TFAP4: variants seen among roughly 807,000 people sequenced by gnomAD.
TFAP4 encodes the protein activating enhancer-binding protein 4.
Under a neutral mutation model 40.4 loss-of-function variants are expected in TFAP4, and 7 were observed. That is an observed-to-expected ratio of 0.17 (90% CI 0.10 to 0.33). TFAP4 has a LOEUF of 0.33. Among genes scored for constraint, TFAP4 ranks in the 10% least tolerant of loss-of-function variants. The probability of loss-of-function intolerance (pLI) is 1.00; values close to 1 mark genes in which losing one functional copy is unlikely to be tolerated. For missense variants in TFAP4, 374 were observed against 451.1 expected, an observed-to-expected ratio of 0.83 and a Z score of 1.55; for synonymous variants, 218 against 181.4, an observed-to-expected ratio of 1.20 and a Z score of -1.62.
At position 4,265,593 on chromosome 16, in the gene TFAP4, G is replaced by A. The variant is rs1030177379; in HGVS notation, c.90-2892C>T. On this transcript the variant is annotated intron_variant, in intron 1 of 6. Coordinates refer to ENST00000204517, the MANE Select transcript of TFAP4 (RefSeq NM_003223.3). The stretch of plus-strand genomic sequence containing the variant: ...TCACTGTACTCCAGCCTGGGCAACA[G>A]AGTGAGACCTTGTCTCAAAAAAAAA... 7.2e-5 allele frequency: 8 copies of A among 111,726 alleles called. No individual in the cohort carries two copies. In the East Asian group the frequency reaches 2.5e-3, roughly 35 times the overall value. The allele number at this position is 111,726 out of a possible 1,614,324, so 6.9% of individuals were successfully genotyped here. A position where few individuals can be genotyped will look rare whatever the true frequency, so the allele number is the denominator to read the frequency against.
At chr16:4,269,129 T>A (rs2053020053) in intron 1 of TFAP4, among the ~76,000 whole-genome samples, 1 of 151,958 alleles carries the variant, frequency 6.6e-6, no homozygotes, top group Non-Finnish European at 1.5e-5. Flanking sequence ...CTCAAATGAT[T>A]TTTTCCCCTT....
chr16:4,266,076 C>T (rs1413834801), intron 1 of TFAP4: 1 of 152,488 alleles, frequency 6.6e-6, no homozygotes, highest in Admixed American at 6.5e-5. Flanking sequence ...GGGAGCTGAC[C>T]CTCAGCCTCT....
chr16:4,258,354 C>G, intron 6 of TFAP4, 105 bp from the exon 7 acceptor site: 5 of 1,166,054 alleles, frequency 4.3e-6, no homozygotes, highest in Non-Finnish European at 4.8e-6. Context: ...AACACATAGC[C>G]CAGAAAAAAG....
In TFAP4 at chr16:4,260,224, T is replaced by TCAACCCGGGGGGGGGGGGGGGG; in HGVS notation, c.687_688insCCCCCCCCCCCCCCCCGGGTTG (p.Thr230ProfsTer89). ...GGCACGATCACCGTGGGGTGGTGGG[T>TCAACCCGGGGGGGGGGGGGGGG]GGGGGCCGGAGGGGGCAGAAGCTGC... On this transcript the variant is annotated frameshift_variant, in exon 6 of 7. Coordinates refer to ENST00000204517, the MANE Select transcript of TFAP4 (RefSeq NM_003223.3). LOFTEE classifies it high-confidence loss of function. The TCAACCCGGGGGGGGGGGGGGGG allele has an allele frequency of 4.5e-6, 1 of 223,762 alleles. No individual in the cohort carries two copies. The highest frequency in any genetic ancestry group is 7.9e-6 in the Non-Finnish European group (1 of 126,040). The allele number at this position is 223,762 out of a possible 1,614,324, so 13.9% of individuals were successfully genotyped here.
chr16:4,267,639 T>A (rs1263529957), intron 1 of TFAP4, among the ~76,000 whole-genome samples: 1 of 152,214 alleles, frequency 6.6e-6, no homozygotes, highest in East Asian at 1.9e-4. Flanking sequence ...CCTCTACACC[T>A]GCCTGCCCAG....
intron 1 of TFAP4, among the ~76,000 whole-genome samples, chr16:4,269,782 C>G (rs2053027130): frequency 6.6e-6 from 1 of 151,016 alleles, no homozygotes; most frequent in African/African-American, 2.4e-5. Context: ...TGCACTCCAG[C>G]CTGTGCGACA....
intron 1 of TFAP4, chr16:4,266,396 G>C (rs910065466): frequency 6.6e-6 from 1 of 152,098 alleles, no homozygotes; most frequent in Non-Finnish European, 1.5e-5. Flanking sequence ...CCCCCCAAAA[G>C]GTACAGTTCC....
At position 4,260,568 on chromosome 16, in the gene TFAP4, G is replaced by A; in HGVS notation, c.553C>T (p.Pro185Ser). Residue 185 changes from proline (P) to serine (S), a missense_variant, in exon 5 of 7, where the codon CCG becomes TCG. Coordinates refer to ENST00000204517, the MANE Select transcript of TFAP4 (RefSeq NM_003223.3). ...QVRSLEAHMYPEKLKVIAQQV... is the reference protein window; with the variant it reads ...QVRSLEAHMYSEKLKVIAQQV... ...TGCGCAATCACCTTGAGCTTTTCCG[G>A]GTACATGTGGGCCTCCAGCGAGCGC... The A allele has an allele frequency of 6.2e-7, 1 of 1,610,098 alleles. No individual in the cohort carries two copies. Among genetic ancestry groups the A allele is most frequent in the Non-Finnish European group, 8.5e-7 (1 of 1,178,602 alleles).
At chr16:4,260,395 T>G in intron 5 of TFAP4, 60 bp downstream of exon 5, 1 of 1,518,620 alleles carries the variant, frequency 6.6e-7, no homozygotes, top group Non-Finnish European at 8.8e-7. Flanking sequence ...CTTCCGCCAT[T>G]CAAGATCACC....
At chr16:4,260,426 G>A in intron 5 of TFAP4, 29 bp downstream of exon 5, 6 of 1,551,322 alleles carry the variant, frequency 3.9e-6, no homozygotes, top group Non-Finnish European at 5.2e-6. Flanking sequence ...CCGGTCCCCA[G>A]AGCCCACTCC....
At chr16:4,258,507 G>A (rs2052918028) in intron 6 of TFAP4, 2 of 347,888 alleles carry the variant, frequency 5.7e-6, no homozygotes, top group Non-Finnish European at 1.0e-5. Context: ...AGACTCCTGG[G>A]CTCCAGCGAT....
At chr16:4,270,485 G>A (rs562536997) in intron 1 of TFAP4, among the ~76,000 whole-genome samples, 36 of 152,284 alleles carry the variant, frequency 2.4e-4, no homozygotes, top group African/African-American at 8.4e-4. Flanking sequence ...TCCCAGACTG[G>A]CTTCCCACCT....
chr16:4,258,539 G>C (rs193056230), intron 6 of TFAP4: 13 of 280,444 alleles, frequency 4.6e-5, no homozygotes, highest in Non-Finnish European at 8.7e-5. Flanking sequence ...TCCCTCCCTA[G>C]TAGCTGGAAC....
chr16:4,270,117 G>A (rs951834450), intron 1 of TFAP4, among the ~76,000 whole-genome samples: 9 of 152,082 alleles, frequency 5.9e-5, no homozygotes, highest in South Asian at 4.1e-4. Context: ...TCTAGGAGGC[G>A]GAGGTTGCAG....
Position 4,257,994 on chromosome 16 carries a change from T to C in TFAP4, c.*61A>G. On this transcript the variant is annotated 3_prime_UTR_variant, in exon 7 of 7. Transcript: ENST00000204517. Reference sequence around the variant, plus strand: ...TTTCTCACTCATTCGCCCATGTCTCTCCCTGTGGCTGCCCCGGCTCCCTCC... The same window carrying C: ...TTTCTCACTCATTCGCCCATGTCTCCCCCTGTGGCTGCCCCGGCTCCCTCC... The C allele has an allele frequency of 5.3e-6, 8 of 1,522,830 alleles. No homozygotes were observed. Among genetic ancestry groups the C allele is most frequent in the Non-Finnish European group, 7.1e-6 (8 of 1,124,430 alleles). 94.3% of individuals were successfully genotyped at this position (1,522,830 alleles called of 1,614,324 possible). A position where few individuals can be genotyped will look rare whatever the true frequency, so the allele number is the denominator to read the frequency against.
intron 1 of TFAP4, among the ~76,000 whole-genome samples, chr16:4,269,424 C>T (rs1337645642): frequency 9.4e-5 from 14 of 149,238 alleles, no homozygotes; most frequent in African/African-American, 3.5e-4. Context: ...ACCCGGGAGG[C>T]CGAGCTTGCA....
In TFAP4 at chr16:4,272,996, GTGTGTGTT is replaced by G. The variant is rs1567204186; in HGVS notation, c.-258_-251del. On this transcript the variant is annotated 5_prime_UTR_variant, in exon 1 of 7. Transcript: ENST00000204517. ...TGTGTGTGTGTGTGTGTGTGTGTGTGTGTGTGTTTGCAGCTGATCAGATGTCTGTTTCA... is the reference window on the plus strand; with the variant it reads ...TGTGTGTGTGTGTGTGTGTGTGTGTGTGCAGCTGATCAGATGTCTGTTTCA... 1 of 398,664 alleles carries G rather than the reference GTGTGTGTT, an allele frequency of 2.5e-6. No homozygotes were observed. The highest frequency in any genetic ancestry group is 4.5e-6 in the Non-Finnish European group (1 of 222,978). 24.7% of individuals were successfully genotyped at this position (398,664 alleles called of 1,614,324 possible).
chr16:4,262,764 G>T (rs1475602049), intron 1 of TFAP4, 63 bp from the exon 2 acceptor site: 3 of 1,559,420 alleles, frequency 1.9e-6, no homozygotes, highest in African/African-American at 2.7e-5. Context: ...TCTCCAGAGG[G>T]CCCCAGTGGA....
intron 4 of TFAP4, 36 bp from the exon 5 acceptor site, chr16:4,260,631 C>T (rs1269165029): frequency 1.3e-5 from 20 of 1,554,622 alleles, no homozygotes; most frequent in Admixed American, 5.6e-5. Context: ...GGGCCAAGGC[C>T]GGGAGCACAC....
Sources: gnomAD v4.1 joint callset for allele counts (sites outside exome capture counted in the v4.1 genomes callset) on GRCh38, gnomAD v4.1.1 for gene constraint, MANE v1.5 for transcripts, NCBI Gene and HGNC (gene_info 2026-07-23, HGNC 2026-07-21) for gene names.